Variants in FCAMR observed in about 807,000 individuals in gnomAD.
FCAMR encodes Fc alpha and mu receptor.
Under a neutral mutation model 52.2 loss-of-function variants are expected in FCAMR, and 51 were observed. The ratio of observed to expected loss-of-function variants is 0.98; its 90% CI spans 0.78 to 1.23. FCAMR has a LOEUF of 1.23. Ranked by LOEUF, FCAMR falls within the 50% of genes most tolerant of loss-of-function variation. FCAMR has a pLI of 0.00. For synonymous variants in FCAMR, 282 were observed against 262.0 expected, an observed-to-expected ratio of 1.08 and a Z score of -0.74; for missense variants, 719 against 712.6, an observed-to-expected ratio of 1.01 and a Z score of -0.10.
At position 206,959,771 on chromosome 1, in the gene FCAMR, G is replaced by A. The variant is rs1572658623; in HGVS notation, c.1481C>T (p.Ser494Phe). ...GGTAGAGACAGGAGCCAGGGTCCGAGAGCTGCTTTCATCTTCTGGAAAAGT... is the reference window on the plus strand; with the variant it reads ...GGTAGAGACAGGAGCCAGGGTCCGAAAGCTGCTTTCATCTTCTGGAAAAGT... ...KRTFPEDESS[S>F]RTLAPVSTML... The change falls in exon 7 of 8, where the codon TCT (serine) becomes TTT (phenylalanine). Residue 494 changes from serine to phenylalanine, a missense_variant. Physicochemically the swap from Ser to Phe is radical, Grantham distance 155. Coordinates refer to ENST00000324852, the MANE Select transcript of FCAMR (RefSeq NM_001170631.2). The A allele has an allele frequency of 1.2e-6, 2 of 1,614,148 alleles. No homozygotes were observed. The highest frequency in any genetic ancestry group is 1.7e-6 in the Non-Finnish European group (2 of 1,180,008).
chr1:206,962,057 T>C (rs554864554), intron 5 of FCAMR, among the ~76,000 whole-genome samples, 156 bp downstream of exon 5: 7 of 152,298 alleles, frequency 4.6e-5, no homozygotes, highest in African/African-American at 1.4e-4. Context: ...TCTTCTGAAA[T>C]GAAAGCCTAC....
chr1:206,970,129 A>G lies in FCAMR; in HGVS notation c.-4T>C, dbSNP rs1680878344. 1 of 1,613,218 alleles carries G rather than the reference A, an allele frequency of 6.2e-7. No homozygotes were observed. The highest frequency in any genetic ancestry group is 8.5e-7 in the Non-Finnish European group (1 of 1,179,322). On this transcript the variant is annotated 5_prime_UTR_variant, in exon 1 of 8. Coordinates refer to ENST00000324852, the MANE Select transcript of FCAMR (RefSeq NM_001170631.2). The stretch of plus-strand genomic sequence containing the variant: ...TCACTGTGGCCTCTCCATCCATCTC[A>G]GTCCAGAAACAAGATCCAGGTGGAC...
At chr1:206,959,594 G>A in intron 7 of FCAMR, 85 bp downstream of exon 7, 1 of 1,041,884 alleles carries the variant, frequency 9.6e-7, no homozygotes, top group Non-Finnish European at 1.5e-6. Context: ...GAAAAGTCCT[G>A]GCAGGACTCT....
chr1:206,967,182 C>T (rs1680749049), intron 2 of FCAMR, 70 bp from the exon 3 acceptor site: 1 of 1,499,912 alleles, frequency 6.7e-7, no homozygotes, highest in African/African-American at 1.4e-5. Flanking sequence ...CTTGAGAGAA[C>T]AAGCATCTTC....
chr1:206,961,987 T>C (rs184327935), intron 5 of FCAMR, among the ~76,000 whole-genome samples: 3 of 152,130 alleles, frequency 2.0e-5, no homozygotes, highest in Admixed American at 1.3e-4. Context: ...GGTGGGAGAG[T>C]GTACATGCAT....
chr1:206,967,296 C>T (rs1558027956), intron 2 of FCAMR, among the ~76,000 whole-genome samples, 184 bp from the exon 3 acceptor site: 1 of 152,174 alleles, frequency 6.6e-6, no homozygotes, highest in African/African-American at 2.4e-5. Flanking sequence ...TATCCTCACA[C>T]TCCTAAGCAT....
At position 206,958,561 on chromosome 1, in the gene FCAMR, A is replaced by G. The variant is rs372153877; in HGVS notation, c.1689T>C (p.Pro563=). 2.1e-3 allele frequency: 3,352 copies of G among 1,613,420 alleles called. 5 individuals are homozygous for G. The highest frequency in any genetic ancestry group is 2.7e-3 in the Non-Finnish European group (3,162 of 1,179,922). Residue 563 remains proline (P), a synonymous_variant, in exon 8 of 8, where the codon CCT becomes CCC. Coordinates refer to ENST00000324852, the MANE Select transcript of FCAMR (RefSeq NM_001170631.2). ...ERKMLQDDSL[P]AGASLTAPER... ...CTGGGGCAGTCAGGCTGGCCCCAGC[A>G]GGAAGAGAGTCATCCTGGAGCATCT...
In FCAMR at chr1:206,970,286, C is replaced by A; in HGVS notation, c.-161G>T. On this transcript the variant is annotated 5_prime_UTR_variant, in exon 1 of 8. Coordinates refer to ENST00000324852, the MANE Select transcript of FCAMR (RefSeq NM_001170631.2). ...AGCAACGGAAGGTCGGGGTGCAAGG[C>A]GTAGCTCTGCCACTCACCTCAAGTC... The A allele has an allele frequency of 3.0e-6, 2 of 667,598 alleles. No individual in the cohort carries two copies. Among genetic ancestry groups the A allele is most frequent in the Non-Finnish European group, 2.5e-6 (1 of 392,544 alleles). 41.4% of individuals were successfully genotyped at this position (667,598 alleles called of 1,614,324 possible).
At chr1:206,965,215 C>T (rs1019247752) in intron 4 of FCAMR, among the ~76,000 whole-genome samples, 19 of 152,104 alleles carry the variant, frequency 1.2e-4, no homozygotes. Context: ...TCAGGAATTC[C>T]CCTGATCTGT....
intron 4 of FCAMR, among the ~76,000 whole-genome samples, chr1:206,964,567 C>A (rs1319374201): frequency 2.6e-5 from 4 of 151,990 alleles, no homozygotes; most frequent in African/African-American, 4.8e-5. Flanking sequence ...GGCCTCCCCC[C>A]ACCCCTTCTC....
intron 7 of FCAMR, 80 bp from the exon 8 acceptor site, chr1:206,958,756 C>A: frequency 6.3e-7 from 1 of 1,579,290 alleles, no homozygotes; most frequent in Non-Finnish European, 8.7e-7. Flanking sequence ...CACTCCCAAC[C>A]ACTGCAAGTT....
At chr1:206,958,887 C>A (rs1680370487) in intron 7 of FCAMR, 2 of 684,654 alleles carry the variant, frequency 2.9e-6, no homozygotes, top group Non-Finnish European at 5.4e-6. Context: ...CCTCCACTTG[C>A]TGCCAGAAAA....
rs779549688 is a variant in FCAMR, at chr1:206,962,599, C to T, written c.314-48G>A. The T allele has an allele frequency of 4.8e-6, 7 of 1,449,766 alleles. No homozygotes were observed. In the Admixed American group the frequency reaches 1.8e-4, roughly 37 times the overall value. The allele number at this position is 1,449,766 out of a possible 1,614,324, so 89.8% of individuals were successfully genotyped here. A position where few individuals can be genotyped will look rare whatever the true frequency, so the allele number is the denominator to read the frequency against. On this transcript the variant is annotated intron_variant, in intron 4 of 7. Transcript: ENST00000324852. ...AAGGAGAGGAAGTGGTGAGCATAGT[C>T]ACTGTTTGGGGACTCACGAACTCTG...
chr1:206,959,590 T>G, intron 7 of FCAMR, 89 bp downstream of exon 7: 1 of 986,520 alleles, frequency 1.0e-6, no homozygotes, highest in Non-Finnish European at 1.6e-6. Flanking sequence ...CATTGAAAAG[T>G]CCTGGCAGGA....
chr1:206,967,016 T>C lies in FCAMR; in HGVS notation c.169+36A>G, dbSNP rs199746455. 1.9e-4 allele frequency: 314 copies of C among 1,610,490 alleles called. 1 individual carries two copies. The Middle Eastern group carries it at 2.6e-3, about 13-fold the overall frequency. ...AGCCTGGAAGACTCAGGTCTGGTTT[T>C]GTAAGCCCTGAACCTGGGCTGGGTT... On this transcript the variant is annotated intron_variant, in intron 3 of 7. Transcript: ENST00000324852.
At chr1:206,969,704 G>A (rs573197436) in intron 1 of FCAMR, among the ~76,000 whole-genome samples, 1 of 152,088 alleles carries the variant, frequency 6.6e-6, no homozygotes, top group African/African-American at 2.4e-5. Context: ...GTATAGAGGA[G>A]AGAGCACAGA....
At position 206,962,561 on chromosome 1, in the gene FCAMR, G is replaced by C. The variant is rs751645943; in HGVS notation, c.314-10C>G. 3 of 1,525,342 alleles carry C rather than the reference G, an allele frequency of 2.0e-6. No homozygotes were observed. 94.5% of individuals were successfully genotyped at this position (1,525,342 alleles called of 1,614,324 possible). ...TTCAATGAATTTGGAGCTGCAGACA[G>C]AGAAGGAAGTCAAAGGAGAGGAAGT... On this transcript the variant is annotated splice_polypyrimidine_tract_variant and intron_variant, in intron 4 of 7. Transcript: ENST00000324852.
rs748430335 is a variant in FCAMR, at chr1:206,970,115, T to A, written c.11A>T (p.Glu4Val). Residue 4 changes from glutamate to valine, a missense_variant, in exon 1 of 8, where the codon GAG (glutamate) becomes GTG (valine). By Grantham distance (121) the Glu-to-Val change is moderately radical (BLOSUM62 -2). Coordinates refer to ENST00000324852, the MANE Select transcript of FCAMR (RefSeq NM_001170631.2). ...TTGTTCTCCAGGCTTCACTGTGGCC[T>A]CTCCATCCATCTCAGTCCAGAAACA... MDG[E>V]ATVKPGEQKE... The A allele has an allele frequency of 1.2e-6, 2 of 1,614,106 alleles. No individual in the cohort carries two copies. The highest frequency in any genetic ancestry group is 4.5e-5 in the East Asian group (2 of 44,868).
At position 206,958,661 on chromosome 1, in the gene FCAMR, C is replaced by T. The variant is rs751499362; in HGVS notation, c.1589G>A (p.Arg530Lys). The change falls in exon 8 of 8, where the codon AGG becomes AAG. Residue 530 changes from arginine (R) to lysine (K), a missense_variant. Arg to Lys is a conservative substitution (Grantham distance 26). Transcript: ENST00000324852. ...WRRRTSQEAE[R>K]VTLIQMTHFL... is the part of the protein sequence containing the mutation. ...ATGTGTCATCTGAATTAAGGTGACCCTTTCTGCCTCCTGAGCTGCAGAGAC... is the reference window on the plus strand; with the variant it reads ...ATGTGTCATCTGAATTAAGGTGACCTTTTCTGCCTCCTGAGCTGCAGAGAC... The T allele has an allele frequency of 6.2e-7, 1 of 1,614,008 alleles. No homozygotes were observed. The highest frequency in any genetic ancestry group is 2.2e-5 in the East Asian group (1 of 44,888).
Sources: allele counts gnomAD v4.1 joint callset (sites outside exome capture counted in the v4.1 genomes callset), GRCh38; gene constraint gnomAD v4.1.1; transcripts MANE v1.5; gene names NCBI Gene and HGNC (gene_info 2026-07-23, HGNC 2026-07-21).